The following DIABLO variants were observed in gnomAD, a reference collection of about 807,000 sequenced individuals.
DIABLO encodes diablo homolog, mitochondrial.
Under a neutral mutation model 31.7 loss-of-function variants are expected in DIABLO, and 32 were observed. That is an observed-to-expected ratio of 1.01 (90% CI 0.76 to 1.35). The LOEUF (loss-of-function observed/expected upper bound fraction) is 1.35, where lower values mean the gene tolerates loss of function less well. Ranked by LOEUF, DIABLO falls within the 40% of genes most tolerant of loss-of-function variation. The pLI is 0.00. For synonymous variants in DIABLO, 132 were observed against 103.2 expected (o/e 1.28, Z -1.69); for missense variants, 316 against 286.4 (o/e 1.10, Z -0.75).
chr12:122,215,609 A>T (rs962050003), intron 5 of DIABLO, among the ~76,000 whole-genome samples: 3 of 152,002 alleles, frequency 2.0e-5, no homozygotes, highest in African/African-American at 7.3e-5. Flanking sequence ...CATTAAAAAA[A>T]ATTTTTTTTT....
intron 5 of DIABLO, among the ~76,000 whole-genome samples, chr12:122,213,209 ACCTGG>A (rs1954126337): frequency 3.3e-5 from 5 of 151,662 alleles, no homozygotes; most frequent in Middle Eastern, 6.8e-3. Context: ...GAGCCACTGC[ACCTGG>A]ACCAGATTTT....
At chr12:122,212,311 G>C (rs923121813) in intron 5 of DIABLO, among the ~76,000 whole-genome samples, 1 of 151,762 alleles carries the variant, frequency 6.6e-6, no homozygotes, top group Non-Finnish European at 1.5e-5. Context: ...TTTACACTCA[G>C]AACTTTTGAA....
At position 122,208,297 on chromosome 12, in the gene DIABLO, G is replaced by A; in HGVS notation, c.*84C>T. 6.6e-7 allele frequency: 1 copy of A among 1,524,800 alleles called. No homozygotes were observed. The highest frequency in any genetic ancestry group is 9.0e-7 in the Non-Finnish European group (1 of 1,110,756). 94.5% of individuals were successfully genotyped at this position (1,524,800 alleles called of 1,614,324 possible). Reference sequence around the variant, plus strand: ...ATCTGCCGCCTCTTCTCGGTGCACAGACAGTCATGCCAACCCTGGGCAGGG... The same window carrying A: ...ATCTGCCGCCTCTTCTCGGTGCACAAACAGTCATGCCAACCCTGGGCAGGG... On this transcript the variant is annotated 3_prime_UTR_variant, in exon 6 of 6. Transcript: ENST00000464942.
chr12:122,216,577 G>C lies in DIABLO; in HGVS notation c.434C>G (p.Ser145Ter). The C allele has an allele frequency of 1.9e-6, 3 of 1,614,122 alleles. No homozygotes were observed. Among genetic ancestry groups the C allele is most frequent in the Non-Finnish European group, 2.5e-6 (3 of 1,180,004 alleles). The change falls in exon 5 of 6, where the codon TCA (serine) becomes TGA (stop). Residue 145 changes from serine to a stop codon, truncating the protein, a stop_gained. Transcript: ENST00000464942. LOFTEE classifies it high-confidence loss of function. Reference sequence around the variant, plus strand: ...CAGCTTCAAGTACTCTTGGTGTTTTGAAGTCATCTATATAAATCAAGCAAA... The same window carrying C: ...CAGCTTCAAGTACTCTTGGTGTTTTCAAGTCATCTATATAAATCAAGCAAA... ...VIIGARAEMT[S>*]KHQEYLKLET... is the part of the protein sequence containing the mutation.
At position 122,216,868 on chromosome 12, in the gene DIABLO, G is replaced by A. The variant is rs1317215726; in HGVS notation, c.317C>T (p.Ala106Val). ...LIEAITEYTKAVYTLTSLYRQ... is the reference protein window; with the variant it reads ...LIEAITEYTKVVYTLTSLYRQ... ...GTAAAGAGAAGTTAAGGTATAAACA[G>A]CCTACAAATAGAGAATGAACAAGTC... The change falls in exon 4 of 6, where the codon GCT (alanine) becomes GTT (valine). Residue 106 changes from alanine (A) to valine (V), a missense_variant and splice_region_variant. Coordinates refer to ENST00000464942, the MANE Select transcript of DIABLO (RefSeq NM_001371333.1). The A allele has an allele frequency of 6.2e-7, 1 of 1,610,024 alleles. No individual in the cohort carries two copies. The highest frequency in any genetic ancestry group is 1.7e-5 in the Admixed American group (1 of 59,996).
chr12:122,224,879 C>T (rs1954417026), intron 1 of DIABLO: 1 of 1,420,014 alleles, frequency 7.0e-7, no homozygotes, highest in Admixed American at 2.2e-5. Context: ...AAGGGCAAGG[C>T]GGGAGGATCA....
In DIABLO at chr12:122,208,558, T is replaced by A. The variant is rs773781886; in HGVS notation, c.543A>T (p.Ile181=). Residue 181 remains isoleucine (I), a synonymous_variant, in exon 6 of 6, where the codon ATA becomes ATT. Coordinates refer to ENST00000464942, the MANE Select transcript of DIABLO (RefSeq NM_001371333.1). ...CCAGCTGAATGTGATTCCTGGCGGT[T>A]ATAGAGGCCTGATCTGCGCCTGCCA... ...AYQTGADQAS[I]TARNHIQLVK... is the part of the protein sequence containing the mutation. The A allele has an allele frequency of 1.2e-6, 2 of 1,613,464 alleles. No homozygotes were observed. Among genetic ancestry groups the A allele is most frequent in the South Asian group, 2.2e-5 (2 of 91,080 alleles).
At chr12:122,212,710 TG>T (rs113369947) in intron 5 of DIABLO, among the ~76,000 whole-genome samples, 8,012 of 151,782 alleles carry the variant, frequency 0.053, 535 homozygotes, top group African/African-American at 0.15. Flanking sequence ...CTGCAAGCTC[TG>T]CCTCCCAGGT....
intron 5 of DIABLO, among the ~76,000 whole-genome samples, chr12:122,214,060 G>A (rs1045591970): frequency 6.6e-6 from 1 of 152,098 alleles, no homozygotes; most frequent in Non-Finnish European, 1.5e-5. Context: ...ACTCCAGCCT[G>A]GGGGATGGAA....
At chr12:122,226,929 C>T (rs887953950), upstream of DIABLO, among the ~76,000 whole-genome samples, 1 of 152,218 alleles carries the variant, frequency 6.6e-6, no homozygotes, top group African/African-American at 2.4e-5. Context: ...TTTCTTTTCC[C>T]GTCACTCAAG....
At chr12:122,210,794 T>C (rs1459657795) in intron 5 of DIABLO, among the ~76,000 whole-genome samples, 2 of 152,050 alleles carry the variant, frequency 1.3e-5, no homozygotes, top group Non-Finnish European at 2.9e-5. Flanking sequence ...AAGTTTTATA[T>C]TTAGTATATA....
intron 3 of DIABLO, 58 bp downstream of exon 3, chr12:122,218,208 G>T: frequency 6.3e-7 from 1 of 1,598,954 alleles, no homozygotes; most frequent in Admixed American, 1.7e-5. Flanking sequence ...CAATTTGGTT[G>T]TGAGCCATTA....
Position 122,216,555 on chromosome 12 carries a change from C to T in DIABLO, c.456G>A (p.Lys152=), listed in dbSNP as rs1954216086. 1 of 1,614,178 alleles carries T rather than the reference C, an allele frequency of 6.2e-7. No homozygotes were observed. Among genetic ancestry groups the T allele is most frequent in the Non-Finnish European group, 8.5e-7 (1 of 1,180,024 alleles). ...CTGCAGTCATCCAAGTGGTTTCCAG[C>T]TTCAAGTACTCTTGGTGTTTTGAAG... is the stretch of plus-strand genomic sequence containing the variant. ...EMTSKHQEYL[K]LETTWMTAVG... Residue 152 remains lysine, a synonymous_variant, in exon 5 of 6, where the codon AAG becomes AAA. Transcript: ENST00000464942.
intron 5 of DIABLO, among the ~76,000 whole-genome samples, chr12:122,214,859 T>G (rs1022049324): frequency 6.6e-6 from 1 of 152,086 alleles, no homozygotes; most frequent in Non-Finnish European, 1.5e-5. Flanking sequence ...CCTGGCTAAT[T>G]TTTGTATTTT....
chr12:122,225,396 AAAAT>A, intron 1 of DIABLO: 1 of 992,742 alleles, frequency 1.0e-6, no homozygotes, highest in Non-Finnish European at 1.2e-6. Flanking sequence ...CAAAAAAATT[AAAAT>A]AAAATAAAAT....
intron 2 of DIABLO, 23 bp from the exon 3 acceptor site, chr12:122,218,420 C>T (rs773519141): frequency 1.9e-6 from 3 of 1,613,966 alleles, no homozygotes; most frequent in Admixed American, 1.7e-5. Flanking sequence ...AACATTGTCA[C>T]TCAACCTCTA....
chr12:122,226,212 A>C, upstream of DIABLO: 2 of 852,058 alleles, frequency 2.3e-6, no homozygotes, highest in Non-Finnish European at 3.8e-6. Context: ...AAGGCAACCA[A>C]CCGCCGGAAC....
intron 5 of DIABLO, chr12:122,209,962 C>G: frequency 1.7e-6 from 1 of 600,274 alleles, no homozygotes; most frequent in East Asian, 2.8e-5. Flanking sequence ...GGCTACTACA[C>G]TGAAGATGTT....
At chr12:122,218,666 G>A (rs1247596487) in intron 2 of DIABLO, 9 of 419,596 alleles carry the variant, frequency 2.1e-5, no homozygotes, top group South Asian at 4.2e-5. Flanking sequence ...TTGTGGCGGG[G>A]TACGGTGGCT....
Sources: gnomAD v4.1 joint callset for allele counts (sites outside exome capture counted in the v4.1 genomes callset) on GRCh38, gnomAD v4.1.1 for gene constraint, MANE v1.5 for transcripts, NCBI Gene and HGNC (gene_info 2026-07-23, HGNC 2026-07-21) for gene names.